C3: variants seen among roughly 807,000 people sequenced by gnomAD.
C3 encodes C3 and PZP-like alpha-2-macroglobulin domain-containing protein 1.
A neutral mutation model predicts 207.9 loss-of-function variants in C3; 97 were observed. The ratio of observed to expected loss-of-function variants is 0.47; its 90% CI spans 0.40 to 0.55. C3 has a LOEUF of 0.55. Ranked by LOEUF, C3 falls within the 20% of genes least tolerant of loss-of-function variation. The probability of loss-of-function intolerance (pLI) is 0.00; values close to 1 mark genes in which losing one functional copy is unlikely to be tolerated. For missense variants in C3, 1,684 were observed against 2,171.7 expected, an observed-to-expected ratio of 0.78 and a Z score of 4.46; for synonymous variants, 848 against 857.6, an observed-to-expected ratio of 0.99 and a Z score of 0.20.
intron 36 of C3, 193 bp downstream of exon 36, chr19:6,679,965 A>G: frequency 1.7e-6 from 1 of 593,508 alleles, no homozygotes; most frequent in East Asian, 3.2e-5. Flanking sequence ...CATCATTCTC[A>G]GATCCCCTCA....
chr19:6,713,434 G>A lies in C3; in HGVS notation c.849C>T (p.Ser283=). The A allele has an allele frequency of 3.7e-6, 6 of 1,613,878 alleles. No individual in the cohort carries two copies. The highest frequency in any genetic ancestry group is 5.1e-6 in the Non-Finnish European group (6 of 1,179,924). ...FGIQDGEQRI[S]LPESLKRIPI... ...GAATGCGCTTGAGGGATTCAGGCAG[G>A]GAAATCCTCTGTTCGCCATCCTGGA... The change falls in exon 8 of 41, where the codon TCC becomes TCT. Residue 283 remains serine, a synonymous_variant. Transcript: ENST00000245907.
chr19:6,700,216 A>G (rs62125105), intron 19 of C3, among the ~76,000 whole-genome samples: 7 of 115,838 alleles, frequency 6.0e-5, no homozygotes, highest in South Asian at 2.6e-4. Flanking sequence ...TGTATATATT[A>G]CATATATATT....
chr19:6,717,737 TG>T (rs1968068112), intron 4 of C3: 2 of 354,278 alleles, frequency 5.6e-6, no homozygotes, highest in East Asian at 6.0e-5. Context: ...TTGTGTGTGT[TG>T]TGTGTTGTGT....
In C3 at chr19:6,686,542, T is replaced by C. The variant is rs1599501218; in HGVS notation, c.3646+204A>G. On this transcript the variant is annotated intron_variant, in intron 28 of 40. Coordinates refer to ENST00000245907, the MANE Select transcript of C3 (RefSeq NM_000064.4). Reference sequence around the variant, plus strand: ...ACAAACTTTCTCGTGTGGTTTACAATGAGGACCTGCGAAAACTTAGAGCCG... The same window carrying C: ...ACAAACTTTCTCGTGTGGTTTACAACGAGGACCTGCGAAAACTTAGAGCCG... The C allele has an allele frequency of 4.0e-6, 3 of 741,410 alleles. No individual in the cohort carries two copies. The South Asian group carries it at 4.7e-5, about 12-fold the overall frequency. The allele number at this position is 741,410 out of a possible 1,614,324, so 45.9% of individuals were successfully genotyped here. A position where few individuals can be genotyped will look rare whatever the true frequency, so the allele number is the denominator to read the frequency against.
rs1438599390 is a variant in C3, at chr19:6,682,533, T to C, written c.4173-304A>G. On this transcript the variant is annotated intron_variant, in intron 33 of 40. Coordinates refer to ENST00000245907, the MANE Select transcript of C3 (RefSeq NM_000064.4). ...TCAGTTCTAGAAAACAAGGCAAGAA[T>C]ACAGGCAGCCCTCACTCTGCATGAT... is the stretch of plus-strand genomic sequence containing the variant. 9 of 389,100 alleles carry C rather than the reference T, an allele frequency of 2.3e-5. No individual in the cohort carries two copies. In the Admixed American group the frequency reaches 3.3e-4, roughly 14 times the overall value. The allele number at this position is 389,100 out of a possible 1,614,324, so 24.1% of individuals were successfully genotyped here. A position where few individuals can be genotyped will look rare whatever the true frequency, so the allele number is the denominator to read the frequency against.
At chr19:6,683,332 A>G (rs2145394561) in intron 33 of C3, 1 of 152,178 alleles carries the variant, frequency 6.6e-6, no homozygotes, top group Non-Finnish European at 1.5e-5. Context: ...AAGGAAAAAA[A>G]AAACAACAAA....
intron 40 of C3, 32 bp downstream of exon 40, chr19:6,678,120 C>T (rs1257106461): frequency 6.2e-7 from 1 of 1,613,986 alleles, no homozygotes; most frequent in Non-Finnish European, 8.5e-7. Flanking sequence ...GGCAGTCGGG[C>T]GGTCGCGCGC....
In C3 at chr19:6,718,293, G is replaced by C. The variant is rs2145436814; in HGVS notation, c.387C>G (p.Tyr129Ter). 2 of 1,613,946 alleles carry C rather than the reference G, an allele frequency of 1.2e-6. No homozygotes were observed. Among genetic ancestry groups the C allele is most frequent in the Non-Finnish European group, 1.7e-6 (2 of 1,179,960 alleles). ...KVVLVSLQSGYLFIQTDKTIY... is the reference protein window; with the variant it reads ...KVVLVSLQSG ...TGGTCTTGTCTGTCTGGATGAAGAG[G>C]TACCCGCTCTGCAGGCTGACCAGCA... Residue 129 changes from tyrosine to a stop codon, truncating the protein, a stop_gained, in exon 3 of 41, where the codon TAC (tyrosine) becomes TAG (stop). Transcript: ENST00000245907. LOFTEE classifies it high-confidence loss of function.
At chr19:6,686,399 T>C in intron 28 of C3, 112 bp from the exon 29 acceptor site, 1 of 1,179,198 alleles carries the variant, frequency 8.5e-7, no homozygotes, top group Non-Finnish European at 1.3e-6. Flanking sequence ...TTGGGTGTCC[T>C]GGCTGACATT....
At chr19:6,712,747 G>A in intron 9 of C3, 124 bp from the exon 10 acceptor site, 1 of 824,102 alleles carries the variant, frequency 1.2e-6, no homozygotes, top group South Asian at 1.4e-5. Context: ...CTTTCATACT[G>A]GGCCTGTGCC....
chr19:6,709,590 C>A (rs1027139499), intron 14 of C3, 94 bp downstream of exon 14: 1 of 1,355,636 alleles, frequency 7.4e-7, no homozygotes, highest in East Asian at 2.3e-5. Flanking sequence ...CGCATGCCCC[C>A]CACTGCACTG....
chr19:6,702,304 C>G (rs1196627211), intron 18 of C3, 92 bp from the exon 19 acceptor site: 1 of 983,608 alleles, frequency 1.0e-6, no homozygotes, highest in African/African-American at 1.6e-5. Flanking sequence ...AAGGGACAGG[C>G]TGGAAGGGTC....
Position 6,686,150 on chromosome 19 carries a change from A to T in C3, c.3784T>A (p.Tyr1262Asn). Residue 1262 changes from tyrosine (Y) to asparagine (N), a missense_variant, in exon 29 of 41, where the codon TAC becomes AAC. Tyr to Asn is a moderately radical substitution (Grantham distance 143). Transcript: ENST00000245907. ...TGGGTAGAGCCATAGCCACCACCGTAGTATCTCTGTTCATTGAGCCAACGC... is the reference window on the plus strand; with the variant it reads ...TGGGTAGAGCCATAGCCACCACCGTTGTATCTCTGTTCATTGAGCCAACGC... ...VVRWLNEQRY[Y>N]GGGYGSTQAT... 1 of 1,614,168 alleles carries T rather than the reference A, an allele frequency of 6.2e-7. No homozygotes were observed. Among genetic ancestry groups the T allele is most frequent in the East Asian group, 2.2e-5 (1 of 44,882 alleles).
At chr19:6,679,238 G>A (rs749591746) in intron 37 of C3, 30 bp from the exon 38 acceptor site, 1 of 1,586,062 alleles carries the variant, frequency 6.3e-7, no homozygotes, top group South Asian at 1.1e-5. Flanking sequence ...CAGGGTCTAA[G>A]TCCCACTCCT....
chr19:6,695,805 G>A (rs116632842), intron 23 of C3, among the ~76,000 whole-genome samples: 3,074 of 152,184 alleles, frequency 0.02, 89 homozygotes, highest in African/African-American at 0.07. Flanking sequence ...AGCACAGAAG[G>A]TCTAGAAAAA....
intron 25 of C3, 85 bp from the exon 26 acceptor site, chr19:6,693,168 C>G: frequency 6.6e-7 from 1 of 1,513,188 alleles, no homozygotes; most frequent in Non-Finnish European, 9.1e-7. Flanking sequence ...GGGGGAGGGA[C>G]CAGGGCCTGG....
At chr19:6,685,482 T>C in intron 29 of C3, among the ~76,000 whole-genome samples, 1 of 152,024 alleles carries the variant, frequency 6.6e-6, no homozygotes, top group East Asian at 1.9e-4. Flanking sequence ...TTGGAGACAC[T>C]GAGAATATGT....
intron 19 of C3, among the ~76,000 whole-genome samples, chr19:6,698,253 G>A (rs897483859): frequency 4.6e-5 from 7 of 152,054 alleles, no homozygotes; most frequent in Admixed American, 2.6e-4. Flanking sequence ...TTGACCTCAC[G>A]ATCCACCCGC....
Position 6,678,557 on chromosome 19 carries a change from A to AG in C3, c.4631-103dup, listed in dbSNP as rs1251335954. 1.1e-5 allele frequency: 10 copies of AG among 870,846 alleles called. No homozygotes were observed. The Admixed American group carries it at 2.0e-4, about 17-fold the overall frequency. The allele number at this position is 870,846 out of a possible 1,614,324, so 53.9% of individuals were successfully genotyped here. A position where few individuals can be genotyped will look rare whatever the true frequency, so the allele number is the denominator to read the frequency against. ...GGGCATGTGGCTCTCTCTCCCAAGC[A>AG]GAAAGTTGCAGAATCACAGCCAGTC... On this transcript the variant is annotated intron_variant, in intron 38 of 40. Coordinates refer to ENST00000245907, the MANE Select transcript of C3 (RefSeq NM_000064.4).
Sources: allele counts gnomAD v4.1 joint callset (sites outside exome capture counted in the v4.1 genomes callset), GRCh38; gene constraint gnomAD v4.1.1; transcripts MANE v1.5; gene names NCBI Gene and HGNC (gene_info 2026-07-23, HGNC 2026-07-21).